Variants in TRIO observed in about 807,000 individuals in gnomAD.
The protein encoded by TRIO is trio Rho guanine nucleotide exchange factor, also known as triple functional domain protein.
Under a neutral mutation model 351.9 loss-of-function variants are expected in TRIO, and 58 were observed. The observed-to-expected ratio is 0.16, with a 90% confidence interval of 0.13 to 0.21. The LOEUF (loss-of-function observed/expected upper bound fraction) is 0.21, where lower values mean the gene tolerates loss of function less well. Ranked by LOEUF, TRIO falls within the 10% of genes least tolerant of loss-of-function variation. The pLI is 1.00. For synonymous variants in TRIO, 1,758 were observed against 1,595.7 expected (o/e 1.10, Z -2.42); for missense variants, 3,201 against 4,027.8 (o/e 0.79, Z 5.56).
At chr5:14,433,965 A>G (rs1050846932) in intron 34 of TRIO, among the ~76,000 whole-genome samples, 4 of 152,198 alleles carry the variant, frequency 2.6e-5, no homozygotes, top group African/African-American at 9.6e-5. Flanking sequence ...GTATATTTCT[A>G]GTCTTCATTT....
intron 26 of TRIO, 116 bp from the exon 27 acceptor site, chr5:14,390,785 C>A: frequency 1.3e-6 from 1 of 770,134 alleles, no homozygotes; most frequent in Non-Finnish European, 2.0e-6. Flanking sequence ...AAAATAGAGT[C>A]TCTTCAACTC....
At chr5:14,202,024 G>GA in intron 1 of TRIO, among the ~76,000 whole-genome samples, 1 of 150,614 alleles carries the variant, frequency 6.6e-6, no homozygotes, top group East Asian at 2.0e-4. Context: ...TGTAAATGAC[G>GA]AATTAATGGG....
At chr5:14,224,118 A>G (rs958908841) in intron 1 of TRIO, among the ~76,000 whole-genome samples, 1 of 152,074 alleles carries the variant, frequency 6.6e-6, no homozygotes, top group African/African-American at 2.4e-5. Context: ...ATTTAATGTT[A>G]CAGTGTTTAT....
chr5:14,404,578 C>T (rs1178605892), intron 31 of TRIO, among the ~76,000 whole-genome samples: 1 of 152,162 alleles, frequency 6.6e-6, no homozygotes, highest in Non-Finnish European at 1.5e-5. Context: ...TTTTATCAGG[C>T]ATTTAAATTC....
At chr5:14,482,380 A>G in intron 45 of TRIO, 1 of 394,562 alleles carries the variant, frequency 2.5e-6, no homozygotes, top group Non-Finnish European at 4.4e-6. Flanking sequence ...AGGTCTATAC[A>G]AATGTTGGCA....
rs576412038 is a variant in TRIO at position 14,479,750 on chromosome 5, G to A, written c.6244-169G>A. 3.2e-4 allele frequency among the ~76,000 whole-genome samples: 48 copies of A among 152,258 alleles called. 1 individual carries two copies. The South Asian group carries it at 7.9e-3, about 25-fold the overall frequency. On this transcript the variant is annotated intron_variant, in intron 42 of 56. Transcript: ENST00000344204. ...GCTTTGAAAAACAACTCAGGTGAAA[G>A]TGTAAAACTTGGAAATTCTGTGAAC...
At chr5:14,287,548 G>T (rs997696575) in intron 4 of TRIO, among the ~76,000 whole-genome samples, 1 of 152,194 alleles carries the variant, frequency 6.6e-6, no homozygotes, top group Non-Finnish European at 1.5e-5. Flanking sequence ...GAGATAGTGT[G>T]TTAAAAACTG....
At chr5:14,366,163 C>T (rs1014036438) in intron 15 of TRIO, among the ~76,000 whole-genome samples, 5 of 152,034 alleles carry the variant, frequency 3.3e-5, no homozygotes, top group Non-Finnish European at 7.4e-5. Flanking sequence ...AAAGCCCCAA[C>T]TTTGGGAGAG....
chr5:14,204,438 C>A (rs1342828231), intron 1 of TRIO, among the ~76,000 whole-genome samples: 1 of 152,010 alleles, frequency 6.6e-6, no homozygotes, highest in African/African-American at 2.4e-5. Flanking sequence ...TCTTTATGAT[C>A]GTGGGCAGCT....
chr5:14,420,143 C>A lies in TRIO; in HGVS notation c.5203+122C>A, dbSNP rs975188531. 26 of 1,437,634 alleles carry A rather than the reference C, an allele frequency of 1.8e-5. No homozygotes were observed. The Admixed American group carries it at 4.1e-4, about 23-fold the overall frequency. The allele number at this position is 1,437,634 out of a possible 1,614,324, so 89.1% of individuals were successfully genotyped here. A position where few individuals can be genotyped will look rare whatever the true frequency, so the allele number is the denominator to read the frequency against. On this transcript the variant is annotated intron_variant, in intron 34 of 56. Transcript: ENST00000344204. ...TTCCTTGTCAGCTGTGCCTTCAGCA[C>A]ATGGTCACTGACTGTCCGGGCATTT...
intron 7 of TRIO, among the ~76,000 whole-genome samples, chr5:14,303,529 G>A (rs1738098266): frequency 6.6e-6 from 1 of 151,296 alleles, no homozygotes; most frequent in South Asian, 2.1e-4. Flanking sequence ...GGATTGGGAT[G>A]GCTGCCACAG....
chr5:14,335,549 C>T (rs1168687936), intron 10 of TRIO, among the ~76,000 whole-genome samples: 2 of 152,228 alleles, frequency 1.3e-5, no homozygotes, highest in East Asian at 3.8e-4. Flanking sequence ...GAGGAACCCA[C>T]TTACAGCCTC....
At chr5:14,209,718 CT>C (rs1489122841) in intron 1 of TRIO, among the ~76,000 whole-genome samples, 7 of 152,162 alleles carry the variant, frequency 4.6e-5, no homozygotes, top group African/African-American at 7.2e-5. Flanking sequence ...GTGCAGCACA[CT>C]TTTTTTCTTT....
chr5:14,325,594 C>G (rs921631671), intron 9 of TRIO, among the ~76,000 whole-genome samples: 2 of 152,206 alleles, frequency 1.3e-5, no homozygotes, highest in African/African-American at 4.8e-5. Flanking sequence ...GTAGGCCCCA[C>G]TTCTGACACT....
intron 1 of TRIO, among the ~76,000 whole-genome samples, chr5:14,256,552 A>T (rs1407438728): frequency 6.6e-6 from 1 of 152,214 alleles, no homozygotes; most frequent in Non-Finnish European, 1.5e-5. Context: ...CATATGTAAT[A>T]AATATACACA....
chr5:14,250,273 C>T (rs993809534), intron 1 of TRIO, among the ~76,000 whole-genome samples: 1 of 152,182 alleles, frequency 6.6e-6, no homozygotes, highest in South Asian at 2.1e-4. Context: ...CTCTGAGCCA[C>T]CTCTGCGCTG....
intron 27 of TRIO, among the ~76,000 whole-genome samples, chr5:14,393,436 C>G (rs1405541844): frequency 6.6e-6 from 1 of 152,180 alleles, no homozygotes; most frequent in Non-Finnish European, 1.5e-5. Flanking sequence ...AGAAATCATG[C>G]CTGAGAGATT....
intron 49 of TRIO, among the ~76,000 whole-genome samples, chr5:14,493,137 G>A (rs951898939): frequency 1.3e-5 from 2 of 152,068 alleles, no homozygotes; most frequent in African/African-American, 4.8e-5. Context: ...GAAACCTAAG[G>A]GGAAAATATC....
intron 34 of TRIO, among the ~76,000 whole-genome samples, chr5:14,455,695 T>C (rs1753238638): frequency 6.6e-6 from 1 of 152,186 alleles, no homozygotes; most frequent in African/African-American, 2.4e-5. Flanking sequence ...CCAGATTAGC[T>C]AGATACAGAG....
Sources: allele counts gnomAD v4.1 joint callset (sites outside exome capture counted in the v4.1 genomes callset), GRCh38; gene constraint gnomAD v4.1.1; transcripts MANE v1.5; gene names NCBI Gene and HGNC (gene_info 2026-07-23, HGNC 2026-07-21).